Variants in DPP6 observed in about 807,000 individuals in gnomAD.
DPP6 encodes A-type potassium channel modulatory protein DPP6.
In DPP6, 69 loss-of-function variants were observed where a neutral mutation model predicts 122.6. The ratio of observed to expected loss-of-function variants is 0.56; its 90% CI spans 0.46 to 0.69. DPP6 has a LOEUF of 0.69. Among genes scored for constraint, DPP6 ranks in the 30% least tolerant of loss-of-function variants. DPP6 has a pLI of 0.00. For missense variants in DPP6, 928 were observed against 1,116.9 expected, an observed-to-expected ratio of 0.83 and a Z score of 2.41; for synonymous variants, 418 against 433.1, an observed-to-expected ratio of 0.97 and a Z score of 0.43.
the DPP6 span, among the ~76,000 whole-genome samples, chr7:153,758,046 C>A: frequency 2.0e-5 from 3 of 152,200 alleles, no homozygotes; most frequent in Non-Finnish European, 4.4e-5. Context: ...AAAACTATCC[C>A]ATAGTAAAAC....
chr7:153,914,903 C>A (rs530646559), intron 1 of DPP6, among the ~76,000 whole-genome samples: 1 of 152,334 alleles, frequency 6.6e-6, no homozygotes, highest in Admixed American at 6.5e-5. Flanking sequence ...CCATCTCTCC[C>A]AGTCTCATCC....
At chr7:154,497,533 C>T (rs540228440) in intron 3 of DPP6, among the ~76,000 whole-genome samples, 4 of 151,338 alleles carry the variant, frequency 2.6e-5, no homozygotes, top group East Asian at 2.0e-4. Context: ...CATTTGAACT[C>T]GGGAGGTAGA....
At chr7:153,891,291 G>A (rs1486848504) in intron 1 of DPP6, among the ~76,000 whole-genome samples, 1 of 151,914 alleles carries the variant, frequency 6.6e-6, no homozygotes. Context: ...CAAAGTGCTG[G>A]GATTACAGGC....
chr7:153,928,349 T>A (rs1056594682), intron 1 of DPP6, among the ~76,000 whole-genome samples: 12 of 149,784 alleles, frequency 8.0e-5, no homozygotes, highest in African/African-American at 2.9e-4. Context: ...GTAGCTGGGA[T>A]TACAGGCGTG....
chr7:154,774,169 G>T (rs1796426795), intron 10 of DPP6, among the ~76,000 whole-genome samples: 1 of 152,138 alleles, frequency 6.6e-6, no homozygotes, highest in Non-Finnish European at 1.5e-5. Flanking sequence ...TAATGAACCT[G>T]GCCCCCAGCA....
intron 1 of DPP6, among the ~76,000 whole-genome samples, chr7:153,941,278 T>G (rs964986304): frequency 6.6e-6 from 1 of 152,196 alleles, no homozygotes; most frequent in Non-Finnish European, 1.5e-5. Flanking sequence ...GTGCTAGAGC[T>G]GCCTGTGACC....
chr7:154,046,174 A>G (rs10271966), intron 1 of DPP6, among the ~76,000 whole-genome samples: 28,239 of 152,090 alleles, frequency 0.19, 4,190 homozygotes, highest in African/African-American at 0.41. Context: ...GTCTTCTCCA[A>G]GTGTGTTTGT....
the DPP6 span, among the ~76,000 whole-genome samples, chr7:153,815,667 C>G: frequency 1.3e-5 from 2 of 152,054 alleles, no homozygotes; most frequent in Non-Finnish European, 2.9e-5. Context: ...AGAAGTTAGT[C>G]CTTTGTCAGA....
chr7:154,308,753 T>A (rs1317835760), intron 1 of DPP6, among the ~76,000 whole-genome samples: 1 of 152,152 alleles, frequency 6.6e-6, no homozygotes, highest in Non-Finnish European at 1.5e-5. Flanking sequence ...TAAATAAAAG[T>A]ACAAATTTAT....
rs147819802 is a variant in DPP6 at position 154,186,826 on chromosome 7, G to C, written c.243+133763G>C. On this transcript the variant is annotated intron_variant, in intron 1 of 25. Coordinates refer to ENST00000377770, the MANE Select transcript of DPP6 (RefSeq NM_130797.4). ...GGTAGTTTGATGCTAGTAACTCCAGGCTATTATTAATAATTTTTTAAAAAA... is the reference window on the plus strand; with the variant it reads ...GGTAGTTTGATGCTAGTAACTCCAGCCTATTATTAATAATTTTTTAAAAAA... Among the ~76,000 whole-genome samples the C allele has an allele frequency of 7.8e-3, 1,183 of 152,318 alleles. 8 individuals are homozygous for C. The highest frequency in any genetic ancestry group is 0.013 in the Non-Finnish European group (858 of 68,018).
chr7:154,191,649 A>G (rs576364020), intron 1 of DPP6, among the ~76,000 whole-genome samples: 2 of 152,352 alleles, frequency 1.3e-5, no homozygotes, highest in South Asian at 2.1e-4. Flanking sequence ...CTTATGTTCA[A>G]TAAATACCTA....
intron 6 of DPP6, among the ~76,000 whole-genome samples, chr7:154,642,471 T>G (rs1475997607): frequency 2.0e-5 from 3 of 151,794 alleles, no homozygotes; most frequent in Non-Finnish European, 4.4e-5. Context: ...GTACCTGTAA[T>G]CCCAGCTACT....
chr7:154,427,498 A>G (rs2151244883), intron 1 of DPP6, among the ~76,000 whole-genome samples: 1 of 152,348 alleles, frequency 6.6e-6, no homozygotes, highest in Admixed American at 6.5e-5. Context: ...AAGAGGCTGA[A>G]CTTGACTGAA....
intron 1 of DPP6, among the ~76,000 whole-genome samples, chr7:154,126,720 G>A (rs1807912391): frequency 6.6e-6 from 1 of 151,834 alleles, no homozygotes; most frequent in East Asian, 1.9e-4. Flanking sequence ...AAATACATTT[G>A]GTGCAGAACG....
At chr7:153,994,683 T>G (rs925403294) in intron 1 of DPP6, among the ~76,000 whole-genome samples, 7 of 152,372 alleles carry the variant, frequency 4.6e-5, no homozygotes, top group Admixed American at 3.9e-4. Context: ...AAGTTTCTCC[T>G]AAAATTTTAA....
At chr7:153,827,277 C>T in the DPP6 span, among the ~76,000 whole-genome samples, 2 of 152,134 alleles carry the variant, frequency 1.3e-5, no homozygotes, top group African/African-American at 4.8e-5. Flanking sequence ...ATCCATGTAG[C>T]AGAAAGAAAC....
chr7:154,003,131 TGTAAAG>T (rs1255224106), intron 1 of DPP6, among the ~76,000 whole-genome samples: 1 of 152,190 alleles, frequency 6.6e-6, no homozygotes, highest in Non-Finnish European at 1.5e-5. Context: ...TTAGGCTACA[TGTAAAG>T]GGAAAGGTGA....
intron 5 of DPP6, among the ~76,000 whole-genome samples, chr7:154,623,671 A>G (rs1220424720): frequency 1.3e-5 from 2 of 151,570 alleles, no homozygotes; most frequent in Non-Finnish European, 2.9e-5. Context: ...ACACGCACAC[A>G]CACACGCACA....
chr7:154,367,372 C>T (rs1364062251), intron 1 of DPP6, among the ~76,000 whole-genome samples: 1 of 152,188 alleles, frequency 6.6e-6, no homozygotes, highest in Non-Finnish European at 1.5e-5. Context: ...GTACAGTTTA[C>T]CAAATTTGAA....
Sources: allele counts gnomAD v4.1 joint callset (sites outside exome capture counted in the v4.1 genomes callset), GRCh38; gene constraint gnomAD v4.1.1; transcripts MANE v1.5; gene names NCBI Gene and HGNC (gene_info 2026-07-23, HGNC 2026-07-21).